The following MAGI2 variants were observed in gnomAD, a reference collection of about 807,000 sequenced individuals.
The protein encoded by MAGI2 is membrane associated guanylate kinase, WW and PDZ domain containing 2, also known as membrane-associated guanylate kinase, WW and PDZ domain-containing protein 2.
In MAGI2, 35 loss-of-function variants were observed where a neutral mutation model predicts 133.3. That is an observed-to-expected ratio of 0.26 (90% CI 0.20 to 0.35). The LOEUF (loss-of-function observed/expected upper bound fraction) is 0.35. MAGI2 is among the 10% of genes least tolerant of loss of function. The pLI is 1.00. For missense variants in MAGI2, 1,636 were observed against 1,863.4 expected (o/e 0.88, Z 2.25); for synonymous variants, 729 against 710.6 (o/e 1.03, Z -0.41).
Position 78,627,051 on chromosome 7 carries a change from C to T in MAGI2, c.538+69G>A, listed in dbSNP as rs148423319. On this transcript the variant is annotated intron_variant, in intron 3 of 21. Coordinates refer to ENST00000354212, the MANE Select transcript of MAGI2 (RefSeq NM_012301.4). ...CAGCCCATTAGTAACCTGGTGTCCC[C>T]GTGCATTTCCATCGAATGAGAAAAA... 1.9e-4 allele frequency: 277 copies of T among 1,467,808 alleles called. 2 individuals carry two copies. The Admixed American group carries it at 2.2e-3, about 12-fold the overall frequency. 90.9% of individuals were successfully genotyped at this position (1,467,808 alleles called of 1,614,324 possible).
At chr7:78,994,054 T>C (rs1049038050) in intron 2 of MAGI2, among the ~76,000 whole-genome samples, 1 of 151,688 alleles carries the variant, frequency 6.6e-6, no homozygotes, top group South Asian at 2.1e-4. Context: ...ATGTGCCTAG[T>C]GAAGGGATCC....
chr7:79,277,033 G>A (rs1835280241), intron 1 of MAGI2, among the ~76,000 whole-genome samples: 2 of 152,010 alleles, frequency 1.3e-5, no homozygotes, highest in Non-Finnish European at 1.5e-5. Context: ...GGTTTTAGAG[G>A]ACTGACTCCA....
intron 4 of MAGI2, among the ~76,000 whole-genome samples, chr7:78,512,856 A>G (rs1795722155): frequency 1.3e-5 from 2 of 152,244 alleles, no homozygotes; most frequent in African/African-American, 4.8e-5. Context: ...TAGAAAATTC[A>G]AAGTCTGTGG....
chr7:78,800,019 T>C (rs1787931746), intron 2 of MAGI2, among the ~76,000 whole-genome samples: 3 of 152,178 alleles, frequency 2.0e-5, no homozygotes, highest in Admixed American at 2.0e-4. Flanking sequence ...TAACACTTTA[T>C]AGGCAATTTG....
intron 20 of MAGI2, among the ~76,000 whole-genome samples, chr7:78,124,693 C>CACACAA (rs1289455887): frequency 6.6e-6 from 1 of 152,028 alleles, no homozygotes; most frequent in African/African-American, 2.4e-5. Context: ...CACACACACA[C>CACACAA]ACACAAACAC....
chr7:78,759,904 G>GT (rs1328275054), intron 2 of MAGI2, among the ~76,000 whole-genome samples: 3 of 152,130 alleles, frequency 2.0e-5, no homozygotes, highest in Admixed American at 6.6e-5. Flanking sequence ...CAAGTGGGCG[G>GT]ATCATGAGGT....
intron 1 of MAGI2, among the ~76,000 whole-genome samples, chr7:79,041,036 C>G (rs66490111): frequency 0.06 from 9,051 of 152,064 alleles, 297 homozygotes; most frequent in African/African-American, 0.074. Context: ...ATGTATATCC[C>G]AAGTACTCTA....
At chr7:79,321,690 T>C (rs1048845228) in intron 1 of MAGI2, among the ~76,000 whole-genome samples, 1 of 152,204 alleles carries the variant, frequency 6.6e-6, no homozygotes, top group Non-Finnish European at 1.5e-5. Context: ...TTGTCCTTTT[T>C]CAATAAGTGT....
intron 5 of MAGI2, among the ~76,000 whole-genome samples, chr7:78,490,353 C>T (rs1343091297): frequency 6.6e-6 from 1 of 152,036 alleles, no homozygotes; most frequent in African/African-American, 2.4e-5. Context: ...TGATTAATAG[C>T]AATTTTATTA....
Position 79,446,578 on chromosome 7 carries a change from T to A in MAGI2, c.301+6442A>T, listed in dbSNP as rs1848868352. The stretch of plus-strand genomic sequence containing the variant: ...TTATTTCCCCAGGTAGAGCAAGCCA[T>A]CTAATTATTTCAAATATTGAAACAA... On this transcript the variant is annotated intron_variant, in intron 1 of 21. Transcript: ENST00000354212. Among the ~76,000 whole-genome samples the A allele has an allele frequency of 2.0e-5, 3 of 152,128 alleles. No individual in the cohort carries two copies. The South Asian group carries it at 6.2e-4, about 32-fold the overall frequency.
At position 78,027,845 on chromosome 7, in the gene MAGI2, A is replaced by G. The variant is rs1256456771; in HGVS notation, c.3707-7869T>C. Among the ~76,000 whole-genome samples, 3 of 152,308 alleles carry G rather than the reference A, an allele frequency of 2.0e-5. No individual in the cohort carries two copies. The East Asian group carries it at 5.8e-4, about 29-fold the overall frequency. On this transcript the variant is annotated intron_variant, in intron 21 of 21. Transcript: ENST00000354212. ...ATACTTTTACTGCTCAAATGACTAG[A>G]ATTATTCTGTAAAAATATCCATGAA...
At chr7:79,298,632 G>A (rs546857151) in intron 1 of MAGI2, among the ~76,000 whole-genome samples, 52 of 152,128 alleles carry the variant, frequency 3.4e-4, no homozygotes, top group African/African-American at 1.3e-3. Flanking sequence ...GATAATTTAA[G>A]CATGGTCTCT....
chr7:79,215,966 G>A (rs1830000373), intron 1 of MAGI2, among the ~76,000 whole-genome samples: 1 of 151,880 alleles, frequency 6.6e-6, no homozygotes, highest in African/African-American at 2.4e-5. Flanking sequence ...ATACTGGGTA[G>A]AAGTGGGTAG....
intron 10 of MAGI2, among the ~76,000 whole-genome samples, chr7:78,237,737 C>T (rs766697460): frequency 1.3e-5 from 2 of 151,938 alleles, no homozygotes; most frequent in Non-Finnish European, 2.9e-5. Context: ...ATAAAGATCA[C>T]CCAGGATAAT....
chr7:79,324,957 A>G (rs1228857613), intron 1 of MAGI2, among the ~76,000 whole-genome samples: 3 of 151,658 alleles, frequency 2.0e-5, no homozygotes, highest in Non-Finnish European at 4.4e-5. Context: ...AGCTCTTCCC[A>G]CATTCGCACA....
chr7:79,162,177 C>A (rs1361230693), intron 1 of MAGI2, among the ~76,000 whole-genome samples: 1 of 151,944 alleles, frequency 6.6e-6, no homozygotes, highest in African/African-American at 2.4e-5. Flanking sequence ...TACAATAATC[C>A]TCTAGAGAGC....
At chr7:79,142,811 G>C (rs765754267) in intron 1 of MAGI2, among the ~76,000 whole-genome samples, 13 of 152,060 alleles carry the variant, frequency 8.5e-5, no homozygotes, top group Non-Finnish European at 1.8e-4. Flanking sequence ...TTAGTGTTTT[G>C]ATTATCCCCA....
At chr7:78,055,347 A>C (rs559200505) in intron 21 of MAGI2, among the ~76,000 whole-genome samples, 6 of 152,314 alleles carry the variant, frequency 3.9e-5, no homozygotes, top group South Asian at 2.1e-4. Flanking sequence ...GGAGTGCCTT[A>C]GCCTGCCACT....
intron 3 of MAGI2, among the ~76,000 whole-genome samples, chr7:78,563,211 C>T (rs1800593562): frequency 6.6e-6 from 1 of 152,098 alleles, no homozygotes; most frequent in South Asian, 2.1e-4. Flanking sequence ...CAGGGCACAA[C>T]TGAAAAGGTT....
Sources: gnomAD v4.1 joint callset for allele counts (sites outside exome capture counted in the v4.1 genomes callset) on GRCh38, gnomAD v4.1.1 for gene constraint, MANE v1.5 for transcripts, NCBI Gene and HGNC (gene_info 2026-07-23, HGNC 2026-07-21) for gene names.